CEP170: variants seen among roughly 807,000 people sequenced by gnomAD.
CEP170 encodes centrosomal protein 170.
In CEP170, 21 loss-of-function variants were observed where a neutral mutation model predicts 151.9. That is an observed-to-expected ratio of 0.14 (90% CI 0.10 to 0.20). The LOEUF (loss-of-function observed/expected upper bound fraction) is 0.20, where lower values mean the gene tolerates loss of function less well. CEP170 is among the 10% of genes least tolerant of loss of function. CEP170 has a pLI of 1.00. For missense variants in CEP170, 964 were observed against 1,892.9 expected (o/e 0.51, Z 9.11); for synonymous variants, 356 against 648.8 (o/e 0.55, Z 6.86).
At chr1:243,189,323 A>C (rs1039325785) in intron 8 of CEP170, among the ~76,000 whole-genome samples, 5 of 152,030 alleles carry the variant, frequency 3.3e-5, no homozygotes, top group African/African-American at 1.2e-4. Flanking sequence ...TTGGGAGGCT[A>C]AGGTGGGTGG....
intron 6 of CEP170, among the ~76,000 whole-genome samples, chr1:243,199,657 G>A (rs1460667088): frequency 6.6e-6 from 1 of 152,020 alleles, no homozygotes; most frequent in Non-Finnish European, 1.5e-5. Flanking sequence ...ATTTTCACAT[G>A]AGTAGCTATT....
At chr1:243,233,121 T>A (rs2063905792) in intron 1 of CEP170, among the ~76,000 whole-genome samples, 1 of 152,228 alleles carries the variant, frequency 6.6e-6, no homozygotes, top group Admixed American at 6.5e-5. Flanking sequence ...TTTTGTCACA[T>A]AAAGCTGTTT....
chr1:243,223,530 C>A (rs1242337202), intron 2 of CEP170, among the ~76,000 whole-genome samples: 2 of 152,118 alleles, frequency 1.3e-5, no homozygotes, highest in Non-Finnish European at 2.9e-5. Flanking sequence ...TCTGGAATAT[C>A]CTTAATCTAC....
chr1:243,196,460 C>A (rs9970736), intron 7 of CEP170, among the ~76,000 whole-genome samples: 11,599 of 151,978 alleles, frequency 0.076, 1,015 homozygotes, highest in African/African-American at 0.19. Flanking sequence ...TAAAGTAAAC[C>A]CTACTGAAGT....
Position 243,135,981 on chromosome 1 carries a change from C to T in CEP170, c.4319+162G>A, listed in dbSNP as rs2087075. 275 of 747,344 alleles carry T rather than the reference C, an allele frequency of 3.7e-4. No homozygotes were observed. The East Asian group carries it at 8.3e-3, about 23-fold the overall frequency. 46.3% of individuals were successfully genotyped at this position (747,344 alleles called of 1,614,324 possible). A position where few individuals can be genotyped will look rare whatever the true frequency, so the allele number is the denominator to read the frequency against. ...GTAAGTCTATTTATGTTTTGAATTA[C>T]TAATAAATTTAAAGTTATAAAGTAG... On this transcript the variant is annotated intron_variant, in intron 17 of 19. Transcript: ENST00000366542.
intron 14 of CEP170, among the ~76,000 whole-genome samples, chr1:243,150,675 T>A (rs2056978422): frequency 9.8e-6 from 1 of 102,160 alleles, no homozygotes; most frequent in East Asian, 2.8e-4. Flanking sequence ...TCTCATAAAT[T>A]TAAACGTGTG....
chr1:243,211,985 A>G (rs766774817), intron 3 of CEP170, 21 bp from the exon 4 acceptor site: 1 of 1,472,128 alleles, frequency 6.8e-7, no homozygotes. Flanking sequence ...ACAAAAAAAG[A>G]TGTTAGGTTA....
chr1:243,240,705 T>C (rs1178685005), intron 1 of CEP170, among the ~76,000 whole-genome samples: 1 of 152,124 alleles, frequency 6.6e-6, no homozygotes, highest in African/African-American at 2.4e-5. Flanking sequence ...TATTCATTTA[T>C]TTTTGAGACA....
intron 19 of CEP170, 123 bp from the exon 20 acceptor site, chr1:243,126,861 A>G (rs2148132736): frequency 1.5e-6 from 1 of 664,772 alleles, no homozygotes; most frequent in African/African-American, 1.8e-5. Flanking sequence ...CTAATCTTCC[A>G]ATATTATATT....
At chr1:243,237,892 G>A (rs1415548611) in intron 1 of CEP170, among the ~76,000 whole-genome samples, 2 of 152,086 alleles carry the variant, frequency 1.3e-5, no homozygotes, top group Non-Finnish European at 2.9e-5. Context: ...GCAACAGAAC[G>A]AGACTCCATC....
chr1:243,191,682 G>A (rs1185093981), intron 7 of CEP170, among the ~76,000 whole-genome samples, 188 bp from the exon 8 acceptor site: 1 of 152,032 alleles, frequency 6.6e-6, no homozygotes, highest in African/African-American at 2.4e-5. Context: ...ATAAACATGC[G>A]ATTTGATTAC....
chr1:243,159,763 TTGTGTGTGTGTG>T lies in CEP170; in HGVS notation c.3677-3320_3677-3309del, dbSNP rs565534328. Among the ~76,000 whole-genome samples the T allele has an allele frequency of 2.9e-4, 37 of 127,162 alleles. No homozygotes were observed. The East Asian group carries it at 6.6e-3, about 23-fold the overall frequency. 83.4% of individuals were successfully genotyped at this position (127,162 alleles called of 152,430 possible). A position where few individuals can be genotyped will look rare whatever the true frequency, so the allele number is the denominator to read the frequency against. On this transcript the variant is annotated intron_variant, in intron 13 of 19. Transcript: ENST00000366542. ...ACATTCTACATTTTTGTTTCCGGTT[TTGTGTGTGTGTG>T]TGTGTGTGTGTGTGTGTGTGTGTGT...
intron 3 of CEP170, among the ~76,000 whole-genome samples, chr1:243,213,865 A>G (rs2148926493): frequency 6.6e-6 from 1 of 152,218 alleles, no homozygotes; most frequent in East Asian, 1.9e-4. Flanking sequence ...GGCTTGTGCC[A>G]CCACACCCTG....
chr1:243,140,365 T>C (rs2055692546), intron 15 of CEP170: 1 of 368,694 alleles, frequency 2.7e-6, no homozygotes, highest in South Asian at 9.4e-5. Context: ...AATTCTTCCA[T>C]GGATAAGATT....
chr1:243,230,073 G>A (rs989068761), intron 1 of CEP170, among the ~76,000 whole-genome samples: 4 of 152,082 alleles, frequency 2.6e-5, no homozygotes, highest in Non-Finnish European at 4.4e-5. Context: ...AGTTCTCACC[G>A]GGCATGGTAG....
intron 1 of CEP170, among the ~76,000 whole-genome samples, chr1:243,248,105 C>G (rs1207457120): frequency 6.6e-6 from 1 of 152,126 alleles, no homozygotes; most frequent in Non-Finnish European, 1.5e-5. Flanking sequence ...TAGTAGTTGC[C>G]AGGGGAGAAT....
chr1:243,245,641 G>A (rs149803528), intron 1 of CEP170, among the ~76,000 whole-genome samples: 244 of 151,956 alleles, frequency 1.6e-3, no homozygotes, highest in Non-Finnish European at 2.8e-3. Context: ...TTGAACCCGC[G>A]AGGCAGAGGT....
chr1:243,145,660 G>C (rs1395034233), intron 14 of CEP170, among the ~76,000 whole-genome samples: 1 of 152,100 alleles, frequency 6.6e-6, no homozygotes, highest in African/African-American at 2.4e-5. Flanking sequence ...ATGAACCTCT[G>C]GAATTAAGTT....
intron 4 of CEP170, among the ~76,000 whole-genome samples, chr1:243,209,539 T>C (rs2148894516): frequency 6.6e-6 from 1 of 152,324 alleles, no homozygotes; most frequent in East Asian, 1.9e-4. Flanking sequence ...TAGCAGTTTA[T>C]AGACTGCCTA....
Sources: gnomAD v4.1 joint callset for allele counts (sites outside exome capture counted in the v4.1 genomes callset) on GRCh38, gnomAD v4.1.1 for gene constraint, MANE v1.5 for transcripts, NCBI Gene and HGNC (gene_info 2026-07-23, HGNC 2026-07-21) for gene names.